STRIP1: variants seen among roughly 807,000 people sequenced by gnomAD.
STRIP1 encodes the protein striatin-interacting protein 1.
In STRIP1, 63 loss-of-function variants were observed where a neutral mutation model predicts 106.2. That is an observed-to-expected ratio of 0.59 (90% CI 0.48 to 0.73). STRIP1 has a LOEUF of 0.73. Among genes scored for constraint, STRIP1 ranks in the 30% least tolerant of loss-of-function variants. The probability of loss-of-function intolerance (pLI) is 0.00; values close to 1 mark genes in which losing one functional copy is unlikely to be tolerated. For synonymous variants in STRIP1, 390 were observed against 413.0 expected, an observed-to-expected ratio of 0.94 and a Z score of 0.67; for missense variants, 857 against 1,074.8, an observed-to-expected ratio of 0.80 and a Z score of 2.83.
chr1:110,043,739 G>A lies in STRIP1; in HGVS notation c.1169G>A (p.Ser390Asn), dbSNP rs146631809. 5.6e-6 allele frequency: 9 copies of A among 1,614,092 alleles called. No homozygotes were observed. In the African/African-American group the frequency reaches 1.2e-4, roughly 22 times the overall value. The change falls in exon 10 of 21, where the codon AGT becomes AAT. Residue 390 changes from serine (S) to asparagine (N), a missense_variant. Transcript: ENST00000369795. ...GAAGAGGAGAATGATGATGACAACA[G>A]TCTGGAGGGGGAGACGTTTCCCCTG... The part of the protein sequence containing the change: ...EEEEENDDDN[S>N]LEGETFPLER...
At chr1:110,052,857 C>A (rs1203637398) in intron 20 of STRIP1, among the ~76,000 whole-genome samples, 1 of 152,182 alleles carries the variant, frequency 6.6e-6, no homozygotes, top group Non-Finnish European at 1.5e-5. Flanking sequence ...TGAGCCACTG[C>A]GCCCGGCCCC....
chr1:110,041,787 A>C lies in STRIP1; in HGVS notation c.811A>C (p.Thr271Pro). The change falls in exon 8 of 21, where the codon ACC becomes CCC. Residue 271 changes from threonine to proline, a missense_variant. Transcript: ENST00000369795. ...TGCCATCATGCTGTTTGGGATGGTG[A>C]CCAAATTTTGCAGTGGTCACGCCCC... ...PFAIMLFGMV[T>P]KFCSGHAPHF... The C allele has an allele frequency of 6.2e-7, 1 of 1,614,086 alleles. No homozygotes were observed. The highest frequency in any genetic ancestry group is 8.5e-7 in the Non-Finnish European group (1 of 1,180,006).
At chr1:110,050,272 C>T in intron 17 of STRIP1, 71 bp from the exon 18 acceptor site, 2 of 1,494,104 alleles carry the variant, frequency 1.3e-6, no homozygotes, top group Admixed American at 3.4e-5. Flanking sequence ...GGAGCTGGCT[C>T]AGGCACGGCT....
intron 19 of STRIP1, 36 bp from the exon 20 acceptor site, chr1:110,051,647 C>T (rs749929922): frequency 2.6e-6 from 4 of 1,557,586 alleles, no homozygotes; most frequent in African/African-American, 2.7e-5. Flanking sequence ...TTATTTTTGT[C>T]TTCAACTTGG....
chr1:110,047,800 C>T lies in STRIP1; in HGVS notation c.1592C>T (p.Ala531Val). 1 of 1,571,008 alleles carries T rather than the reference C, an allele frequency of 6.4e-7. No homozygotes were observed. Among genetic ancestry groups the T allele is most frequent in the Non-Finnish European group, 8.6e-7 (1 of 1,156,852 alleles). The stretch of plus-strand genomic sequence containing the variant: ...GCCCTCCTGAAGATCCTGTTGGCTG[C>T]AGCACCCACCTCAAAAGCCAAAACA... ...MIALLKILLA[A>V]APTSKAKTDS... The change falls in exon 15 of 21, where the codon GCA (alanine) becomes GTA (valine). Residue 531 changes from alanine to valine, a missense_variant. By Grantham distance (64) the Ala-to-Val change is moderately conservative. Coordinates refer to ENST00000369795, the MANE Select transcript of STRIP1 (RefSeq NM_033088.4).
At chr1:110,040,013 G>A (rs1293850800) in intron 5 of STRIP1, 14 of 720,588 alleles carry the variant, frequency 1.9e-5, no homozygotes, top group African/African-American at 1.1e-4. Context: ...TGTGTGTCCC[G>A]GGCATTGTTC....
intron 6 of STRIP1, 44 bp from the exon 7 acceptor site, chr1:110,041,492 G>T (rs1652755663): frequency 2.0e-6 from 3 of 1,479,798 alleles, no homozygotes; most frequent in South Asian, 1.1e-5. Flanking sequence ...GTGCTCCTTT[G>T]ACCCCCCCAT....
Position 110,034,749 on chromosome 1 carries a change from G to C in STRIP1, c.112G>C (p.Ala38Pro). ...ACAGCCACCACCCGGGGCACCGCGG[G>C]CCGCCGCGGGCCTCCTGCCTGGGGG... ...AAQPPPGAPR[A>P]AAGLLPGGKA... is the part of the protein sequence containing the mutation. Residue 38 changes from alanine to proline, a missense_variant, in exon 1 of 21, where the codon GCC (alanine) becomes CCC (proline). By Grantham distance (27) the Ala-to-Pro change is conservative. Around this residue, in one of 2 missense-constraint regions of STRIP1, gnomAD observed 107 missense variants for 85.1 expected, o/e 1.26. Coordinates refer to ENST00000369795, the MANE Select transcript of STRIP1 (RefSeq NM_033088.4). 1 of 1,461,694 alleles carries C rather than the reference G, an allele frequency of 6.8e-7. No individual in the cohort carries two copies. The highest frequency in any genetic ancestry group is 9.0e-7 in the Non-Finnish European group (1 of 1,113,440). 90.5% of individuals were successfully genotyped at this position (1,461,694 alleles called of 1,614,324 possible).
intron 15 of STRIP1, 71 bp from the exon 16 acceptor site, chr1:110,049,041 T>C (rs552191559): frequency 1.3e-6 from 2 of 1,596,584 alleles, no homozygotes; most frequent in African/African-American, 2.7e-5. Flanking sequence ...CCGGAGTCCA[T>C]CTTTTCTGTG....
upstream of STRIP1, among the ~76,000 whole-genome samples, chr1:110,032,998 T>C (rs333077): frequency 0.32 from 48,193 of 152,090 alleles, 7,980 homozygotes; most frequent in East Asian, 0.43. Context: ...GTCCCTGCAT[T>C]ATCATTATAT....
chr1:110,044,689 T>C, intron 10 of STRIP1, 151 bp from the exon 11 acceptor site: 1 of 734,230 alleles, frequency 1.4e-6, no homozygotes, highest in Non-Finnish European at 2.2e-6. Context: ...AAAATTTCAG[T>C]TTTTTCCCTT....
At chr1:110,049,026 A>G in intron 15 of STRIP1, 86 bp from the exon 16 acceptor site, 1 of 1,533,972 alleles carries the variant, frequency 6.5e-7, no homozygotes, top group Non-Finnish European at 8.9e-7. Context: ...TTGCCCAGGG[A>G]GGCTCCGGAG....
upstream of STRIP1, among the ~76,000 whole-genome samples, chr1:110,033,260 C>G (rs1652277983): frequency 6.6e-6 from 1 of 151,124 alleles, no homozygotes; most frequent in South Asian, 2.1e-4. Flanking sequence ...CTTTTAACCT[C>G]TCAATTTTTG....
intron 9 of STRIP1, 26 bp from the exon 10 acceptor site, chr1:110,043,613 G>A: frequency 6.2e-7 from 1 of 1,603,502 alleles, no homozygotes; most frequent in Non-Finnish European, 8.5e-7. Context: ...GTTGGCTCTT[G>A]TCTCATCTCC....
intron 5 of STRIP1, among the ~76,000 whole-genome samples, chr1:110,040,353 TG>T (rs1570916526): frequency 6.6e-6 from 1 of 152,304 alleles, no homozygotes; most frequent in East Asian, 1.9e-4. Context: ...AGCTAATTTT[TG>T]TATTTTTAGT....
At chr1:110,048,590 A>G (rs1464692924) in intron 15 of STRIP1, among the ~76,000 whole-genome samples, 1 of 152,242 alleles carries the variant, frequency 6.6e-6, no homozygotes, top group East Asian at 1.9e-4. Context: ...GGTCCTTGGA[A>G]AAAAGGTTCT....
intron 6 of STRIP1, 86 bp downstream of exon 6, chr1:110,040,789 T>C (rs890858383): frequency 1.7e-6 from 2 of 1,143,440 alleles, no homozygotes; most frequent in African/African-American, 3.1e-5. Context: ...GTGGGTGTCA[T>C]TGCTGTGTGT....
rs190686969 is a variant in STRIP1 at position 110,044,621 on chromosome 1, A to G, written c.1287-219A>G. On this transcript the variant is annotated intron_variant, in intron 10 of 20. Coordinates refer to ENST00000369795, the MANE Select transcript of STRIP1 (RefSeq NM_033088.4). ...CTTTAATTTTATGAATAAACTAGTT[A>G]ACATGTATTTCCAGGTTACTGATCC... is the stretch of plus-strand genomic sequence containing the variant. 1.1e-3 allele frequency among the ~76,000 whole-genome samples: 173 copies of G among 152,364 alleles called. 2 individuals carry two copies. The highest frequency in any genetic ancestry group is 8.8e-5 in the Non-Finnish European group (6 of 68,038).
At chr1:110,053,609 T>C in intron 20 of STRIP1, 56 bp from the exon 21 acceptor site, 3 of 1,597,136 alleles carry the variant, frequency 1.9e-6, no homozygotes, top group Non-Finnish European at 2.6e-6. Context: ...AGTGAATCCA[T>C]GGGGAGCTGC....
Sources: allele counts gnomAD v4.1 joint callset (sites outside exome capture counted in the v4.1 genomes callset), GRCh38; gene constraint gnomAD v4.1.1; regional missense constraint gnomAD v4.1.1; transcripts MANE v1.5; gene names NCBI Gene and HGNC (gene_info 2026-07-23, HGNC 2026-07-21).